The following BCAS2 variants were observed in gnomAD, a reference collection of about 807,000 sequenced individuals.
BCAS2 encodes the protein pre-mRNA-splicing factor SPF27.
A neutral mutation model predicts 35.3 loss-of-function variants in BCAS2; 34 were observed. That is an observed-to-expected ratio of 0.96 (90% CI 0.73 to 1.28). The LOEUF (loss-of-function observed/expected upper bound fraction) is 1.28, where lower values mean the gene tolerates loss of function less well. Among genes scored for constraint, BCAS2 ranks in the 50% most tolerant of loss-of-function variants. BCAS2 has a pLI of 0.00. For synonymous variants in BCAS2, 75 were observed against 91.6 expected (o/e 0.82, Z 1.03); for missense variants, 221 against 268.1 (o/e 0.82, Z 1.23).
chr1:114,581,018 G>T (rs1654875728), intron 2 of BCAS2, among the ~76,000 whole-genome samples: 1 of 152,050 alleles, frequency 6.6e-6, no homozygotes, highest in Non-Finnish European at 1.5e-5. Context: ...GGCAGGAGAG[G>T]GTCCCTTTGA....
At position 114,581,354 on chromosome 1, in the gene BCAS2, CG is replaced by C. The variant is rs1393221678; in HGVS notation, c.130del (p.Arg44AspfsTer7). The C allele has an allele frequency of 6.2e-7, 1 of 1,614,120 alleles. No individual in the cohort carries two copies. Among genetic ancestry groups the C allele is most frequent in the East Asian group, 2.2e-5 (1 of 44,880 alleles). On this transcript the variant is annotated frameshift_variant, in exon 2 of 7. Transcript: ENST00000369541. LOFTEE classifies it high-confidence loss of function. ...ALVEEETRRY[R>X]PTKNYLSYLT... The stretch of plus-strand genomic sequence containing the variant: ...GTAGCTCAGGTAGTTCTTAGTAGGT[CG>C]GTATCTGCGAGTTTCCTCCTCCACC...
At chr1:114,580,644 TTAAA>T (rs751511040) in intron 2 of BCAS2, among the ~76,000 whole-genome samples, 3 of 152,146 alleles carry the variant, frequency 2.0e-5, no homozygotes, top group African/African-American at 4.8e-5. Flanking sequence ...GATGTTTGTC[TTAAA>T]TAAAGAAAAG....
chr1:114,568,755 CTTTTTT>C (rs67319421), intron 6 of BCAS2, among the ~76,000 whole-genome samples: 3 of 83,228 alleles, frequency 3.6e-5, no homozygotes, highest in African/African-American at 1.4e-4. Flanking sequence ...TCTCTGTATT[CTTTTTT>C]TTTTTTTTTT....
At chr1:114,580,700 A>G (rs1185286126) in intron 2 of BCAS2, among the ~76,000 whole-genome samples, 1 of 152,208 alleles carries the variant, frequency 6.6e-6, no homozygotes, top group Non-Finnish European at 1.5e-5. Flanking sequence ...AAGAAACCCC[A>G]TATATCTCTA....
chr1:114,576,499 G>A (rs1314661723), intron 3 of BCAS2, among the ~76,000 whole-genome samples, 189 bp downstream of exon 3: 2 of 150,710 alleles, frequency 1.3e-5, no homozygotes, highest in East Asian at 1.9e-4. Flanking sequence ...TGTTGCCCAG[G>A]CTGGTCTCAA....
chr1:114,569,110 A>G (rs1434138229), intron 6 of BCAS2, among the ~76,000 whole-genome samples: 1 of 152,176 alleles, frequency 6.6e-6, no homozygotes, highest in Non-Finnish European at 1.5e-5. Context: ...AATTATCTAA[A>G]AATAAAAGTT....
At chr1:114,580,576 C>T (rs182400031) in intron 2 of BCAS2, among the ~76,000 whole-genome samples, 5 of 152,204 alleles carry the variant, frequency 3.3e-5, no homozygotes, top group Non-Finnish European at 5.9e-5. Flanking sequence ...TTTTATATAT[C>T]TAGCTCCTCA....
intron 2 of BCAS2, 84 bp downstream of exon 2, chr1:114,581,215 G>T: frequency 7.1e-7 from 1 of 1,413,566 alleles, no homozygotes; most frequent in Non-Finnish European, 1.0e-6. Flanking sequence ...GCAGGCAATG[G>T]TTAAAACTGG....
chr1:114,568,009 G>A lies in BCAS2; in HGVS notation c.*121C>T. 7.5e-7 allele frequency: 1 copy of A among 1,330,898 alleles called. No homozygotes were observed. Among genetic ancestry groups the A allele is most frequent in the Non-Finnish European group, 1.0e-6 (1 of 962,790 alleles). 82.4% of individuals were successfully genotyped at this position (1,330,898 alleles called of 1,614,324 possible). A position where few individuals can be genotyped will look rare whatever the true frequency, so the allele number is the denominator to read the frequency against. On this transcript the variant is annotated 3_prime_UTR_variant, in exon 7 of 7. Coordinates refer to ENST00000369541, the MANE Select transcript of BCAS2 (RefSeq NM_005872.3). ...TACCACAGCAGCCTACACCTTCTAT[G>A]ATTTCTAAACACTTAAACATCAATG...
intron 6 of BCAS2, among the ~76,000 whole-genome samples, chr1:114,569,291 G>A (rs1415023300): frequency 1.3e-5 from 2 of 151,764 alleles, no homozygotes; most frequent in East Asian, 1.9e-4. Flanking sequence ...ACATGGAGAC[G>A]GTGGAACAAG....
intron 6 of BCAS2, 22 bp from the exon 7 acceptor site, chr1:114,568,278 G>C: frequency 2.5e-6 from 4 of 1,593,378 alleles, no homozygotes; most frequent in Non-Finnish European, 3.4e-6. Flanking sequence ...GGGAAGAAAA[G>C]AAAAAAATTA....
At chr1:114,580,341 C>A (rs929775065) in intron 2 of BCAS2, among the ~76,000 whole-genome samples, 1 of 152,190 alleles carries the variant, frequency 6.6e-6, no homozygotes, top group Non-Finnish European at 1.5e-5. Context: ...GAAATGATAT[C>A]TTACATTTCA....
intron 1 of BCAS2, 24 bp from the exon 2 acceptor site, chr1:114,581,415 G>A (rs771421017): frequency 2.5e-6 from 4 of 1,614,044 alleles, no homozygotes; most frequent in Non-Finnish European, 3.4e-6. Context: ...TAGGGACCAG[G>A]GTAGAAGTGG....
chr1:114,575,798 C>G (rs766749663), intron 3 of BCAS2, 47 bp from the exon 4 acceptor site: 71 of 1,583,562 alleles, frequency 4.5e-5, no homozygotes, highest in Non-Finnish European at 5.6e-5. Context: ...TACTGCCAAG[C>G]CTTTACATCT....
intron 3 of BCAS2, among the ~76,000 whole-genome samples, chr1:114,576,220 T>G (rs891964572): frequency 7.1e-5 from 10 of 139,994 alleles, no homozygotes. Context: ...CCTTCAACAC[T>G]GCCTCTCTCT....
At position 114,581,586 on chromosome 1, in the gene BCAS2, C is replaced by T. The variant is rs899435371; in HGVS notation, c.6G>A (p.Ala2=). 10 of 1,613,256 alleles carry T rather than the reference C, an allele frequency of 6.2e-6. No homozygotes were observed. Among genetic ancestry groups the T allele is most frequent in the Admixed American group, 5.0e-5 (3 of 60,018 alleles). Residue 2 remains alanine, a synonymous_variant, in exon 1 of 7, where the codon GCG becomes GCA. Transcript: ENST00000369541. ...CCTCTCCAGCCACCAAACCTGTGCC[C>T]GCCATTCTGAGGACCTCAGGTTTGC... M[A]GTGLVAGEVV... is the part of the protein sequence containing the mutation.
chr1:114,568,752 ATTCTTTTTTT>A (rs1020499719), intron 6 of BCAS2, among the ~76,000 whole-genome samples: 7 of 122,082 alleles, frequency 5.7e-5, no homozygotes, highest in African/African-American at 2.2e-4. Context: ...ATCTCTCTGT[ATTCTTTTTTT>A]TTTTTTTTTT....
At chr1:114,569,855 G>A (rs1013184123) in intron 6 of BCAS2, 137 bp downstream of exon 6, 39 of 670,410 alleles carry the variant, frequency 5.8e-5, no homozygotes, top group Non-Finnish European at 8.8e-5. Flanking sequence ...AGGCAGAGAC[G>A]GGGAAGGGTG....
At chr1:114,568,404 T>A in intron 6 of BCAS2, 148 bp from the exon 7 acceptor site, 1 of 930,844 alleles carries the variant, frequency 1.1e-6, no homozygotes, top group African/African-American at 1.7e-5. Context: ...CTCGCTCTTG[T>A]TGCCCAGGCT....
Sources: gnomAD v4.1 joint callset for allele counts (sites outside exome capture counted in the v4.1 genomes callset) on GRCh38, gnomAD v4.1.1 for gene constraint, MANE v1.5 for transcripts, NCBI Gene and HGNC (gene_info 2026-07-23, HGNC 2026-07-21) for gene names.